SMYD3: variants seen among roughly 807,000 people sequenced by gnomAD.
SMYD3 encodes the protein histone-lysine N-methyltransferase SMYD3.
In SMYD3, 36 loss-of-function variants were observed where a neutral mutation model predicts 57.7. The observed-to-expected ratio is 0.62, with a 90% CI of 0.48 to 0.82. The LOEUF is 0.82. Ranked by LOEUF, SMYD3 falls within the 40% of genes least tolerant of loss-of-function variation. The probability of loss-of-function intolerance (pLI) is 0.00; values close to 1 mark genes in which losing one functional copy is unlikely to be tolerated. For missense variants in SMYD3, 515 were observed against 538.8 expected, an observed-to-expected ratio of 0.96 and a Z score of 0.44; for synonymous variants, 211 against 195.0, an observed-to-expected ratio of 1.08 and a Z score of -0.68.
chr1:246,252,683 G>A (rs1010002007), intron 5 of SMYD3, among the ~76,000 whole-genome samples: 2 of 152,072 alleles, frequency 1.3e-5, no homozygotes, highest in Non-Finnish European at 2.9e-5. Flanking sequence ...ATTACTGTAG[G>A]GACTGTTATA....
At chr1:246,117,090 C>T (rs2061352769) in intron 5 of SMYD3, among the ~76,000 whole-genome samples, 1 of 152,174 alleles carries the variant, frequency 6.6e-6, no homozygotes, top group African/African-American at 2.4e-5. Context: ...ACAAGCCCCA[C>T]TGAAAGCTGT....
chr1:245,829,888 T>TCC (rs1480831190), intron 10 of SMYD3, among the ~76,000 whole-genome samples: 1 of 152,152 alleles, frequency 6.6e-6, no homozygotes, highest in East Asian at 1.9e-4. Flanking sequence ...ATTTTATAAT[T>TCC]CCATTTATAT....
intron 5 of SMYD3, among the ~76,000 whole-genome samples, chr1:246,172,434 T>C (rs1264796709): frequency 1.4e-5 from 2 of 144,880 alleles, no homozygotes; most frequent in Non-Finnish European, 3.0e-5. Context: ...ACACTTAGGC[T>C]ACACAGGCCT....
chr1:246,188,764 C>G (rs2148316329), intron 5 of SMYD3, among the ~76,000 whole-genome samples: 1 of 152,096 alleles, frequency 6.6e-6, no homozygotes, highest in South Asian at 2.1e-4. Context: ...AGTTTGAGAT[C>G]AGCCTGGGCA....
chr1:246,493,055 G>A (rs2068295358), intron 1 of SMYD3, among the ~76,000 whole-genome samples: 1 of 152,254 alleles, frequency 6.6e-6, no homozygotes, highest in East Asian at 1.9e-4. Context: ...TAATGCCACC[G>A]AAGGGTACAC....
At chr1:246,489,635 T>C (rs2068239101) in intron 1 of SMYD3, among the ~76,000 whole-genome samples, 2 of 152,058 alleles carry the variant, frequency 1.3e-5, no homozygotes, top group South Asian at 2.1e-4. Flanking sequence ...AAAGTATCAA[T>C]AGATCAGAAA....
At chr1:246,147,887 C>A (rs931954582) in intron 5 of SMYD3, among the ~76,000 whole-genome samples, 7 of 152,132 alleles carry the variant, frequency 4.6e-5, no homozygotes, top group African/African-American at 9.6e-5. Context: ...GCAGCCTGCA[C>A]CCTGGAGGGC....
intron 8 of SMYD3, among the ~76,000 whole-genome samples, chr1:245,907,366 T>A (rs949333344): frequency 1.3e-5 from 2 of 152,106 alleles, no homozygotes; most frequent in Non-Finnish European, 2.9e-5. Flanking sequence ...ACAAATTTTT[T>A]AAAAAATAAA....
Position 246,486,728 on chromosome 1 carries a change from C to T in SMYD3, c.164+20326G>A, listed in dbSNP as rs559097471. ...AAGTACAGTCCTATTTTTCAGTATACCATGTAGACAAACAGATGAATAATA... is the reference window on the plus strand; with the variant it reads ...AAGTACAGTCCTATTTTTCAGTATATCATGTAGACAAACAGATGAATAATA... On this transcript the variant is annotated intron_variant, in intron 1 of 11. Coordinates refer to ENST00000490107, the MANE Select transcript of SMYD3 (RefSeq NM_001167740.2). 1.4e-4 allele frequency among the ~76,000 whole-genome samples: 21 copies of T among 152,196 alleles called. No individual in the cohort carries two copies. The South Asian group carries it at 2.1e-3, about 15-fold the overall frequency.
intron 5 of SMYD3, among the ~76,000 whole-genome samples, chr1:245,994,906 C>T (rs1408796599): frequency 2.0e-5 from 3 of 151,980 alleles, no homozygotes; most frequent in African/African-American, 7.3e-5. Context: ...GTGGGTGGAT[C>T]ACAAGGTCAA....
chr1:245,894,592 T>G (rs1249881594), intron 8 of SMYD3, among the ~76,000 whole-genome samples: 2 of 152,192 alleles, frequency 1.3e-5, no homozygotes, highest in Non-Finnish European at 2.9e-5. Context: ...GAACCAACTC[T>G]GGACACACTA....
At chr1:245,924,370 C>T (rs1159280213) in intron 7 of SMYD3, among the ~76,000 whole-genome samples, 2 of 151,894 alleles carry the variant, frequency 1.3e-5, no homozygotes, top group Non-Finnish European at 2.9e-5. Context: ...CAATGGAGAG[C>T]CTTAAATAGC....
Position 246,499,619 on chromosome 1 carries a change from C to T in SMYD3, c.164+7435G>A, listed in dbSNP as rs2068426416. Among the ~76,000 whole-genome samples the T allele has an allele frequency of 2.0e-5, 3 of 151,886 alleles. No homozygotes were observed. The South Asian group carries it at 6.2e-4, about 32-fold the overall frequency. Reference sequence around the variant, plus strand: ...TACAGGCATGCACCACCACATCTGGCTAATTTTTGTATTTTTAGTAGAGAC... The same window carrying T: ...TACAGGCATGCACCACCACATCTGGTTAATTTTTGTATTTTTAGTAGAGAC... On this transcript the variant is annotated intron_variant, in intron 1 of 11. Transcript: ENST00000490107.
intron 8 of SMYD3, among the ~76,000 whole-genome samples, chr1:245,872,227 C>G (rs2052235021): frequency 6.6e-6 from 1 of 152,254 alleles, no homozygotes; most frequent in African/African-American, 2.4e-5. Flanking sequence ...ATTTTTTCAT[C>G]TATTTCATGA....
chr1:245,762,854 C>T (rs185996705), intron 11 of SMYD3, among the ~76,000 whole-genome samples: 48 of 152,310 alleles, frequency 3.2e-4, no homozygotes, highest in Admixed American at 2.5e-3. Context: ...ATCCTTCCAC[C>T]GTCACTCTTC....
At chr1:246,328,393 G>C (rs1431543154) in intron 4 of SMYD3, among the ~76,000 whole-genome samples, 2 of 152,190 alleles carry the variant, frequency 1.3e-5, no homozygotes, top group African/African-American at 2.4e-5. Flanking sequence ...TTTCACTTAA[G>C]GTCATGTGTA....
At chr1:245,847,638 G>T (rs190352421) in intron 10 of SMYD3, among the ~76,000 whole-genome samples, 1 of 152,116 alleles carries the variant, frequency 6.6e-6, no homozygotes, top group Non-Finnish European at 1.5e-5. Flanking sequence ...AGAGCAGCTT[G>T]GTAGCTGCAC....
At chr1:246,335,145 C>G (rs2065520613) in intron 3 of SMYD3, among the ~76,000 whole-genome samples, 1 of 152,126 alleles carries the variant, frequency 6.6e-6, no homozygotes, top group African/African-American at 2.4e-5. Flanking sequence ...GTTCTGTTGG[C>G]ATAATGCTAC....
At chr1:246,507,003 A>ACCCCCCCC in intron 1 of SMYD3, 51 bp downstream of exon 1, 2 of 691,576 alleles carry the variant, frequency 2.9e-6, no homozygotes, top group South Asian at 2.7e-5. Flanking sequence ...CCCCCTCCCC[A>ACCCCCCCC]GCACCCCACA....
Sources: allele counts gnomAD v4.1 joint callset (sites outside exome capture counted in the v4.1 genomes callset), GRCh38; gene constraint gnomAD v4.1.1; transcripts MANE v1.5; gene names NCBI Gene and HGNC (gene_info 2026-07-23, HGNC 2026-07-21).